LRMDA: variants seen among roughly 807,000 people sequenced by gnomAD.
LRMDA encodes leucine rich melanocyte differentiation associated.
In LRMDA, 18 loss-of-function variants were observed where a neutral mutation model predicts 29.8. The ratio of observed to expected loss-of-function variants is 0.60; its 90% CI spans 0.42 to 0.90. The LOEUF is 0.90. Among genes scored for constraint, LRMDA ranks in the 40% least tolerant of loss-of-function variants. The pLI is 0.00. For missense variants in LRMDA, 273 were observed against 273.9 expected (o/e 1.00, Z 0.02); for synonymous variants, 125 against 109.4 (o/e 1.14, Z -0.89).
At chr10:76,217,170 A>G (rs1376111153) in intron 5 of LRMDA, among the ~76,000 whole-genome samples, 1 of 152,194 alleles carries the variant, frequency 6.6e-6, no homozygotes, top group African/African-American at 2.4e-5. Context: ...ATGTATCGAT[A>G]CAAATATGTA....
intron 2 of LRMDA, among the ~76,000 whole-genome samples, chr10:75,692,414 T>C (rs1476992704): frequency 1.4e-5 from 2 of 145,178 alleles, no homozygotes; most frequent in Admixed American, 6.9e-5. Context: ...CATATACACA[T>C]ATATGCATAT....
At chr10:76,143,447 G>C (rs1233302384) in intron 5 of LRMDA, among the ~76,000 whole-genome samples, 1 of 152,180 alleles carries the variant, frequency 6.6e-6, no homozygotes, top group African/African-American at 2.4e-5. Flanking sequence ...GGCCAGTGAT[G>C]ATGAGCATTT....
intron 2 of LRMDA, among the ~76,000 whole-genome samples, chr10:75,519,598 G>A (rs1383082396): frequency 2.0e-5 from 3 of 152,124 alleles, no homozygotes; most frequent in Non-Finnish European, 4.4e-5. Context: ...TGGGTCTCCT[G>A]AATACAGCAC....
At chr10:75,946,518 C>T (rs6480796) in intron 2 of LRMDA, among the ~76,000 whole-genome samples, 55,301 of 151,908 alleles carry the variant, frequency 0.36, 11,403 homozygotes, top group African/African-American at 0.54. Context: ...CCAGATTCAT[C>T]TGGCTGCTGG....
chr10:75,973,669 C>T (rs1192367338), intron 2 of LRMDA, among the ~76,000 whole-genome samples: 1 of 152,150 alleles, frequency 6.6e-6, no homozygotes, highest in Non-Finnish European at 1.5e-5. Flanking sequence ...ATCCACCCGC[C>T]TTGGCCTCCC....
At chr10:76,304,359 CTTTG>C (rs1840522538) in intron 5 of LRMDA, among the ~76,000 whole-genome samples, 1 of 152,250 alleles carries the variant, frequency 6.6e-6, no homozygotes, top group African/African-American at 2.4e-5. Context: ...GGAGGTTTTC[CTTTG>C]TTTGTTCTAA....
intron 2 of LRMDA, among the ~76,000 whole-genome samples, chr10:75,966,470 C>G (rs1846861224): frequency 1.3e-5 from 2 of 152,240 alleles, no homozygotes; most frequent in South Asian, 4.1e-4. Context: ...TGCAGCAAGT[C>G]TGCTCCTTGG....
chr10:76,039,044 A>G (rs952348780), intron 3 of LRMDA, among the ~76,000 whole-genome samples: 1 of 152,188 alleles, frequency 6.6e-6, no homozygotes, highest in Non-Finnish European at 1.5e-5. Context: ...GGCTAGCATA[A>G]GACACTTCAC....
chr10:75,550,710 A>G (rs920537282), intron 2 of LRMDA, among the ~76,000 whole-genome samples: 42 of 151,746 alleles, frequency 2.8e-4, no homozygotes, highest in Non-Finnish European at 1.8e-4. Context: ...ATTGTTTTCT[A>G]TGTGTCTTAT....
chr10:76,294,980 A>C (rs1433826049), intron 5 of LRMDA, among the ~76,000 whole-genome samples: 2 of 152,166 alleles, frequency 1.3e-5, no homozygotes, highest in African/African-American at 4.8e-5. Flanking sequence ...AACCAGAAAA[A>C]CTAATGGGGA....
chr10:75,941,489 C>G (rs1846390938), intron 2 of LRMDA, among the ~76,000 whole-genome samples: 2 of 152,114 alleles, frequency 1.3e-5, no homozygotes, highest in African/African-American at 4.8e-5. Flanking sequence ...GTGTTGGCGC[C>G]ATGGTTTGCT....
chr10:76,359,251 T>C (rs1471444129), intron 6 of LRMDA, among the ~76,000 whole-genome samples: 2 of 152,168 alleles, frequency 1.3e-5, no homozygotes, highest in African/African-American at 4.8e-5. Context: ...ATTCCATTGG[T>C]CATTGAAAAA....
rs74394443 is a variant in LRMDA at position 76,119,864 on chromosome 10, G to C, written c.516+61081G>C. The stretch of plus-strand genomic sequence containing the variant: ...CCATTTATATTTTAATCATGAACCA[G>C]CTATTAAGACAAAGAGGTTTTTCAG... On this transcript the variant is annotated intron_variant, in intron 5 of 6. Transcript: ENST00000611255. Among the ~76,000 whole-genome samples, 1,266 of 152,284 alleles carry C rather than the reference G, an allele frequency of 8.3e-3. 22 individuals carry two copies. The highest frequency in any genetic ancestry group is 0.027 in the African/African-American group (1,122 of 41,554).
intron 2 of LRMDA, among the ~76,000 whole-genome samples, chr10:75,692,563 ACGTGTGTGTGTG>A (rs1316907614): frequency 2.0e-5 from 2 of 101,188 alleles, no homozygotes; most frequent in Non-Finnish European, 3.9e-5. Context: ...ACATATGTAT[ACGTGTGTGTGTG>A]TGTGTGTGTG....
chr10:75,514,369 C>T (rs1421244297), intron 2 of LRMDA, among the ~76,000 whole-genome samples: 2 of 151,572 alleles, frequency 1.3e-5, no homozygotes, highest in East Asian at 1.9e-4. Context: ...CTCCAAATGT[C>T]CTCTGTTCCC....
chr10:76,305,106 T>A (rs938866566), intron 5 of LRMDA, among the ~76,000 whole-genome samples: 8 of 152,208 alleles, frequency 5.3e-5, no homozygotes, highest in African/African-American at 1.7e-4. Context: ...CTCACTACCA[T>A]GCCTTACCCT....
At chr10:75,928,892 C>T (rs561993067) in intron 2 of LRMDA, among the ~76,000 whole-genome samples, 3 of 152,170 alleles carry the variant, frequency 2.0e-5, no homozygotes, top group African/African-American at 7.2e-5. Flanking sequence ...ATACCCACCC[C>T]ACTCAGACAG....
chr10:76,202,082 A>T (rs1217906129), intron 5 of LRMDA, among the ~76,000 whole-genome samples: 4 of 152,148 alleles, frequency 2.6e-5, no homozygotes, highest in Non-Finnish European at 5.9e-5. Flanking sequence ...AGCAGCAAAG[A>T]ACAAGCCCCG....
rs550510810 is a variant in LRMDA at position 76,545,514 on chromosome 10, G to A, written c.602-11695G>A. Among the ~76,000 whole-genome samples, 15 of 151,734 alleles carry A rather than the reference G, an allele frequency of 9.9e-5. No homozygotes were observed. The South Asian group carries it at 2.7e-3, about 27-fold the overall frequency. ...TTTTTGATTATACTCCATAAATGAT[G>A]GTTCAGATCTATTCTACATATCCAA... On this transcript the variant is annotated intron_variant, in intron 6 of 6. Coordinates refer to ENST00000611255, the MANE Select transcript of LRMDA (RefSeq NM_001305581.2).
Sources: gnomAD v4.1 joint callset for allele counts (sites outside exome capture counted in the v4.1 genomes callset) on GRCh38, gnomAD v4.1.1 for gene constraint, MANE v1.5 for transcripts, NCBI Gene and HGNC (gene_info 2026-07-23, HGNC 2026-07-21) for gene names.